Variants in CA10 observed in about 807,000 individuals in gnomAD.
The protein encoded by CA10 is carbonic anhydrase-related protein 10.
CA10 carries 14 observed loss-of-function variants against 44.2 expected under a neutral mutation model. The observed-to-expected ratio is 0.32, with a 90% CI of 0.21 to 0.50. CA10 has a LOEUF of 0.50. Among genes scored for constraint, CA10 ranks in the 20% least tolerant of loss-of-function variants. The probability of loss-of-function intolerance (pLI) is 0.99; values close to 1 mark genes in which losing one functional copy is unlikely to be tolerated. For synonymous variants in CA10, 159 were observed against 141.6 expected, an observed-to-expected ratio of 1.12 and a Z score of -0.87; for missense variants, 350 against 409.7, an observed-to-expected ratio of 0.85 and a Z score of 1.26.
At chr17:52,042,970 AG>A (rs1479337680) in intron 2 of CA10, among the ~76,000 whole-genome samples, 1 of 152,006 alleles carries the variant, frequency 6.6e-6, no homozygotes, top group Non-Finnish European at 1.5e-5. Context: ...TTTTTATTCT[AG>A]TACTATACTC....
At chr17:52,052,301 A>ATTT (rs1567716531) in intron 2 of CA10, among the ~76,000 whole-genome samples, 2 of 6,902 alleles carry the variant, frequency 2.9e-4, no homozygotes, top group African/African-American at 2.6e-3. Flanking sequence ...TTTTTTTTTA[A>ATTT]AAAAAAAAAA....
At chr17:51,939,541 G>A (rs1457809904) in intron 2 of CA10, among the ~76,000 whole-genome samples, 3 of 152,078 alleles carry the variant, frequency 2.0e-5, no homozygotes, top group Non-Finnish European at 4.4e-5. Context: ...TATCGGCAAT[G>A]TGTGATGCAT....
chr17:51,725,988 C>A (rs992094905), intron 4 of CA10, among the ~76,000 whole-genome samples: 3 of 151,628 alleles, frequency 2.0e-5, no homozygotes, highest in Non-Finnish European at 4.4e-5. Flanking sequence ...ATTCACCTGT[C>A]GGGGAGTGAA....
chr17:51,954,572 T>TA (rs565802892), intron 2 of CA10, among the ~76,000 whole-genome samples: 41 of 152,108 alleles, frequency 2.7e-4, no homozygotes, highest in Non-Finnish European at 2.2e-4. Flanking sequence ...CTAGAGCTAG[T>TA]AAAAAAAACC....
rs369642732 is a variant in CA10 at position 51,876,666 on chromosome 17, TG to T, written c.279+54323del. Among the ~76,000 whole-genome samples the T allele has an allele frequency of 2.8e-3, 420 of 151,676 alleles. 2 individuals are homozygous for T. The highest frequency in any genetic ancestry group is 9.8e-3 in the African/African-American group (408 of 41,530). On this transcript the variant is annotated intron_variant, in intron 3 of 8. Coordinates refer to ENST00000451037, the MANE Select transcript of CA10 (RefSeq NM_020178.5). Reference sequence around the variant, plus strand: ...AATGTCTCCTCACATTACCAAATGTTGGGGGGCAAAATTGACTTCAGTGAAG... The same window carrying T: ...AATGTCTCCTCACATTACCAAATGTTGGGGGCAAAATTGACTTCAGTGAAG...
At chr17:51,938,024 A>C (rs1358877358) in intron 2 of CA10, among the ~76,000 whole-genome samples, 1 of 152,146 alleles carries the variant, frequency 6.6e-6, no homozygotes, top group African/African-American at 2.4e-5. Flanking sequence ...TGCATCTTCC[A>C]TCTTCTCACT....
chr17:52,158,949 G>A (rs1284690595), upstream of CA10, among the ~76,000 whole-genome samples: 1 of 152,158 alleles, frequency 6.6e-6, no homozygotes, highest in African/African-American at 2.4e-5. Context: ...AGGAGGAGGA[G>A]GCTGGGTGTC....
intron 2 of CA10, among the ~76,000 whole-genome samples, chr17:51,957,542 T>C (rs1983712737): frequency 6.6e-6 from 1 of 151,988 alleles, no homozygotes; most frequent in African/African-American, 2.4e-5. Context: ...AGAGGGTGGA[T>C]GCAAGTGAAG....
chr17:52,039,711 A>G (rs961741121), intron 2 of CA10, among the ~76,000 whole-genome samples: 50 of 152,216 alleles, frequency 3.3e-4, no homozygotes, highest in African/African-American at 1.2e-3. Flanking sequence ...TAGAATATTC[A>G]TTTCTTTTAA....
At chr17:51,939,623 G>A (rs1982999795) in intron 2 of CA10, among the ~76,000 whole-genome samples, 1 of 151,898 alleles carries the variant, frequency 6.6e-6, no homozygotes, top group East Asian at 1.9e-4. Context: ...AGGAAGAAAT[G>A]GTATCTCACT....
intron 4 of CA10, among the ~76,000 whole-genome samples, chr17:51,655,832 C>G (rs1179545668): frequency 2.6e-5 from 4 of 152,194 alleles, no homozygotes; most frequent in Non-Finnish European, 5.9e-5. Flanking sequence ...TTGAAATATC[C>G]TATTTGCTTA....
chr17:51,734,252 T>C (rs1310908662), intron 4 of CA10, among the ~76,000 whole-genome samples: 1 of 151,786 alleles, frequency 6.6e-6, no homozygotes, highest in Non-Finnish European at 1.5e-5. Context: ...GATAGCATCA[T>C]GACTCCTTAA....
intron 2 of CA10, among the ~76,000 whole-genome samples, chr17:52,048,293 G>T (rs1200732772): frequency 6.6e-6 from 1 of 152,006 alleles, no homozygotes; most frequent in Non-Finnish European, 1.5e-5. Context: ...GCAAGACAAA[G>T]GGGGCAGTGC....
intron 4 of CA10, among the ~76,000 whole-genome samples, chr17:51,671,697 C>A (rs765837290): frequency 3.5e-4 from 54 of 152,188 alleles, no homozygotes; most frequent in Non-Finnish European, 7.5e-4. Flanking sequence ...AGCCACCACG[C>A]CCGGCCACAT....
chr17:51,859,033 G>T (rs1003692072), intron 3 of CA10, among the ~76,000 whole-genome samples: 7 of 151,788 alleles, frequency 4.6e-5, no homozygotes, highest in Admixed American at 1.3e-4. Context: ...TCTAGTAAGT[G>T]CCCAATGTTA....
chr17:51,855,984 T>C (rs560454862), intron 3 of CA10, among the ~76,000 whole-genome samples: 1 of 151,900 alleles, frequency 6.6e-6, no homozygotes, highest in East Asian at 1.9e-4. Context: ...TATCTGTCAA[T>C]GGGGGGCTGA....
chr17:52,143,248 A>G (rs1989518603), intron 1 of CA10, among the ~76,000 whole-genome samples: 2 of 152,150 alleles, frequency 1.3e-5, no homozygotes, highest in Admixed American at 6.6e-5. Flanking sequence ...ATATTTTAGG[A>G]GGATGTTGCT....
At chr17:51,753,520 G>A (rs948403716) in intron 3 of CA10, among the ~76,000 whole-genome samples, 1 of 152,170 alleles carries the variant, frequency 6.6e-6, no homozygotes, top group African/African-American at 2.4e-5. Flanking sequence ...CCACAATCCT[G>A]TTCATAAAGA....
chr17:51,956,816 G>A (rs203016), intron 2 of CA10, among the ~76,000 whole-genome samples: 6 of 151,274 alleles, frequency 4.0e-5, no homozygotes, highest in Non-Finnish European at 7.4e-5. Context: ...CTTTTTTTTT[G>A]ACCCACACCC....
Sources: allele counts gnomAD v4.1 joint callset (sites outside exome capture counted in the v4.1 genomes callset), GRCh38; gene constraint gnomAD v4.1.1; transcripts MANE v1.5; gene names NCBI Gene and HGNC (gene_info 2026-07-23, HGNC 2026-07-21).